ZFAT: variants seen among roughly 807,000 people sequenced by gnomAD.
ZFAT encodes the protein zinc finger protein ZFAT.
A neutral mutation model predicts 117.7 loss-of-function variants in ZFAT; 64 were observed. That is an observed-to-expected ratio of 0.54 (90% confidence interval 0.44 to 0.67). The LOEUF (loss-of-function observed/expected upper bound fraction) is 0.67. Ranked by LOEUF, ZFAT falls within the 30% of genes least tolerant of loss-of-function variation. The probability of loss-of-function intolerance (pLI) is 0.00; values close to 1 mark genes in which losing one functional copy is unlikely to be tolerated. For synonymous variants in ZFAT, 679 were observed against 615.0 expected, an observed-to-expected ratio of 1.10 and a Z score of -1.54; for missense variants, 1,433 against 1,584.5, an observed-to-expected ratio of 0.90 and a Z score of 1.62.
chr8:134,487,380 T>C (rs1169673728), intron 15 of ZFAT, among the ~76,000 whole-genome samples: 2 of 152,186 alleles, frequency 1.3e-5, no homozygotes, highest in African/African-American at 2.4e-5. Flanking sequence ...GTAATTCTCA[T>C]GGGGCCCTGT....
chr8:134,557,265 T>C (rs896657686), intron 11 of ZFAT, among the ~76,000 whole-genome samples: 16 of 152,140 alleles, frequency 1.1e-4, no homozygotes, highest in African/African-American at 3.9e-4. Context: ...GGATATTCTA[T>C]AAAATGACTG....
chr8:134,609,634 A>G (rs1426884750), intron 4 of ZFAT, among the ~76,000 whole-genome samples: 2 of 152,214 alleles, frequency 1.3e-5, no homozygotes, highest in African/African-American at 4.8e-5. Flanking sequence ...GCTGTCCTTA[A>G]AATCCTAAAC....
At chr8:134,616,970 CAT>C (rs1828790541) in intron 3 of ZFAT, among the ~76,000 whole-genome samples, 1 of 152,232 alleles carries the variant, frequency 6.6e-6, no homozygotes, top group Non-Finnish European at 1.5e-5. Context: ...ACCCCAGACA[CAT>C]ATTAAATATC....
At chr8:134,770,203 G>A in the ZFAT span, among the ~76,000 whole-genome samples, 11,465 of 152,038 alleles carry the variant, frequency 0.075, 811 homozygotes, top group African/African-American at 0.18. Context: ...TTTTTCTATC[G>A]CATTGTCAGG....
chr8:134,516,282 T>G (rs1183044577), intron 13 of ZFAT, among the ~76,000 whole-genome samples: 1 of 152,194 alleles, frequency 6.6e-6, no homozygotes, highest in Non-Finnish European at 1.5e-5. Flanking sequence ...TCAGATTCCT[T>G]TTTGCAAAGA....
chr8:134,702,116 C>A (rs1232297948), intron 1 of ZFAT, among the ~76,000 whole-genome samples: 2 of 152,198 alleles, frequency 1.3e-5, no homozygotes, highest in Non-Finnish European at 2.9e-5. Flanking sequence ...AAAAAGTACC[C>A]ACCCAGCAAG....
chr8:134,636,119 A>G (rs1830197800), intron 3 of ZFAT, among the ~76,000 whole-genome samples: 1 of 152,226 alleles, frequency 6.6e-6, no homozygotes, highest in South Asian at 2.1e-4. Context: ...ATATTAGTTG[A>G]TGAGTTACTC....
At chr8:134,487,881 G>T (rs536976017) in intron 15 of ZFAT, among the ~76,000 whole-genome samples, 42 of 152,348 alleles carry the variant, frequency 2.8e-4, no homozygotes, top group African/African-American at 1.0e-3. Flanking sequence ...CGCCTTCCTG[G>T]CACAAAGGTG....
the ZFAT span, among the ~76,000 whole-genome samples, chr8:134,821,405 A>C: frequency 6.6e-6 from 1 of 152,194 alleles, no homozygotes; most frequent in African/African-American, 2.4e-5. Flanking sequence ...GCTTCACTGT[A>C]TTCAGCAATG....
At chr8:134,808,182 A>G in the ZFAT span, among the ~76,000 whole-genome samples, 1 of 152,236 alleles carries the variant, frequency 6.6e-6, no homozygotes, top group African/African-American at 2.4e-5. Context: ...ACATGCACAC[A>G]TGCAGAAACG....
chr8:134,500,002 T>C (rs1361900321), intron 15 of ZFAT, among the ~76,000 whole-genome samples: 3 of 152,126 alleles, frequency 2.0e-5, no homozygotes, highest in Admixed American at 2.0e-4. Context: ...CTGGTGGGAA[T>C]GAAAAACAAG....
In ZFAT at chr8:134,600,445, G is replaced by A. The variant is rs371878360; in HGVS notation, c.2466C>T (p.His822=). The A allele has an allele frequency of 1.1e-5, 18 of 1,614,068 alleles. No individual in the cohort carries two copies. The African/African-American group carries it at 2.3e-4, about 20-fold the overall frequency. The change falls in exon 7 of 16, where the codon CAC becomes CAT. Residue 822 remains histidine (H), a synonymous_variant. Transcript: ENST00000377838. ...TGGGCTTGCTACTTACCAGTGCTGT[G>A]TGAACTTTAAGATGTGCCTGTAGCT... is the stretch of plus-strand genomic sequence containing the variant. The part of the protein sequence containing the change: ...KYKLQAHLKV[H]TALDKRSYSC...
intron 1 of ZFAT, among the ~76,000 whole-genome samples, chr8:134,679,692 G>A (rs528418414): frequency 4.6e-4 from 70 of 152,114 alleles, no homozygotes; most frequent in Non-Finnish European, 8.1e-4. Flanking sequence ...CAACCCAAAT[G>A]CCCATCAGTG....
rs917077560 is a variant in ZFAT, at chr8:134,677,613, T to C, written c.20-19876A>G. On this transcript the variant is annotated intron_variant, in intron 1 of 15. Transcript: ENST00000377838. ...TTTTATGAGGCCAGCATCATCCTGA[T>C]ACCAAAACCTAGCAGAGACAAAATA... Among the ~76,000 whole-genome samples, 3 of 152,144 alleles carry C rather than the reference T, an allele frequency of 2.0e-5. No individual in the cohort carries two copies. In the East Asian group the frequency reaches 5.8e-4, roughly 29 times the overall value.
At chr8:134,801,602 C>T in the ZFAT span, among the ~76,000 whole-genome samples, 1 of 152,174 alleles carries the variant, frequency 6.6e-6, no homozygotes, top group African/African-American at 2.4e-5. Flanking sequence ...CCCCACTCTA[C>T]AACCATACTG....
the ZFAT span, among the ~76,000 whole-genome samples, chr8:134,772,791 T>A: frequency 6.6e-6 from 1 of 152,164 alleles, no homozygotes; most frequent in South Asian, 2.1e-4. Context: ...GTGGATGTGG[T>A]GGCCCACACC....
intron 1 of ZFAT, among the ~76,000 whole-genome samples, chr8:134,712,515 G>A (rs978504548): frequency 6.6e-5 from 10 of 152,148 alleles, no homozygotes; most frequent in African/African-American, 2.4e-4. Flanking sequence ...TGGCATCGCC[G>A]GGATTCGAAC....
chr8:134,742,106 A>G, the ZFAT span, among the ~76,000 whole-genome samples: 1,653 of 148,808 alleles, frequency 0.011, 17 homozygotes, highest in African/African-American at 0.038. Context: ...AACCTGATAA[A>G]TTTTTCTCAA....
intron 1 of ZFAT, among the ~76,000 whole-genome samples, chr8:134,671,981 T>G (rs1189814050): frequency 6.6e-6 from 1 of 152,180 alleles, no homozygotes; most frequent in Non-Finnish European, 1.5e-5. Context: ...GAGAGCCAAA[T>G]CATGAGTGAA....
Sources: allele counts gnomAD v4.1 joint callset (sites outside exome capture counted in the v4.1 genomes callset), GRCh38; gene constraint gnomAD v4.1.1; transcripts MANE v1.5; gene names NCBI Gene and HGNC (gene_info 2026-07-23, HGNC 2026-07-21).